Variants in ARHGEF9 observed in about 807,000 individuals in gnomAD.
The protein encoded by ARHGEF9 is rho guanine nucleotide exchange factor 9.
A neutral mutation model predicts 41.3 loss-of-function variants in ARHGEF9; 2 were observed. The ratio of observed to expected loss-of-function variants is 0.05; its 90% CI spans 0.02 to 0.15. ARHGEF9 has a LOEUF of 0.15. ARHGEF9 is among the 10% of genes least tolerant of loss of function. ARHGEF9 has a pLI of 1.00. For synonymous variants in ARHGEF9, 160 were observed against 154.4 expected, an observed-to-expected ratio of 1.04 and a Z score of -0.27; for missense variants, 225 against 424.7, an observed-to-expected ratio of 0.53 and a Z score of 4.13.
chrX:63,777,587 C>T (rs2056313403), intron 1 of ARHGEF9, among the ~76,000 whole-genome samples: 1 of 112,102 alleles, frequency 8.9e-6, no homozygotes, highest in Non-Finnish European at 1.9e-5. Flanking sequence ...TCCCTTCTGC[C>T]TATGAGCCTG....
At chrX:63,714,390 A>C (rs1337582099) in intron 2 of ARHGEF9, among the ~76,000 whole-genome samples, 3 of 112,364 alleles carry the variant, frequency 2.7e-5, no homozygotes, top group Admixed American at 9.4e-5. Flanking sequence ...AGGCAAGCAA[A>C]CCTTTTTATT....
chrX:63,664,739 G>A (rs1436726290), intron 7 of ARHGEF9, among the ~76,000 whole-genome samples: 1 of 112,256 alleles, frequency 8.9e-6, no homozygotes, highest in African/African-American at 3.2e-5. Flanking sequence ...TGGTTCTAGA[G>A]TGGACATTCA....
chrX:63,784,720 C>T, intron 1 of ARHGEF9, among the ~76,000 whole-genome samples: 1 of 110,799 alleles, frequency 9.0e-6, no homozygotes, highest in Middle Eastern at 4.7e-3. Flanking sequence ...GCTTTGTGAC[C>T]GTCCCCTCCC....
At chrX:63,744,281 C>T (rs2055136290) in intron 1 of ARHGEF9, among the ~76,000 whole-genome samples, 1 of 112,461 alleles carries the variant, frequency 8.9e-6, no homozygotes, top group African/African-American at 3.2e-5. Context: ...TCCCAAACAA[C>T]CCTTGAAAGA....
chrX:63,760,890 G>A (rs782451282), intron 1 of ARHGEF9, among the ~76,000 whole-genome samples: 1 of 112,200 alleles, frequency 8.9e-6, no homozygotes, highest in South Asian at 3.7e-4. Context: ...CAAGTTTGAG[G>A]AAGCAGTAGC....
At chrX:63,781,955 T>C (rs1206029471) in intron 1 of ARHGEF9, among the ~76,000 whole-genome samples, 6 of 112,303 alleles carry the variant, frequency 5.3e-5, no homozygotes, top group Admixed American at 9.4e-5. Context: ...AGCTTGTTCC[T>C]GCACTTCCTT....
At chrX:63,686,785 A>G (rs1438541970) in intron 4 of ARHGEF9, among the ~76,000 whole-genome samples, 7 of 111,192 alleles carry the variant, frequency 6.3e-5, no homozygotes, top group Non-Finnish European at 1.1e-4. Context: ...CCAGAACTCA[A>G]TGACTGAAGT....
intron 4 of ARHGEF9, among the ~76,000 whole-genome samples, chrX:63,691,484 A>G (rs1556381417): frequency 9.0e-6 from 1 of 111,635 alleles, no homozygotes; most frequent in Non-Finnish European, 1.9e-5. Context: ...ATTGACAACT[A>G]CACACAAAAA....
chrX:63,720,830 A>C (rs1336895109), intron 2 of ARHGEF9, among the ~76,000 whole-genome samples: 2 of 112,459 alleles, frequency 1.8e-5, no homozygotes, highest in African/African-American at 6.5e-5. Flanking sequence ...TGAATTCCTC[A>C]TTAACATTTT....
intron 1 of ARHGEF9, among the ~76,000 whole-genome samples, chrX:63,766,658 AAAG>A (rs1218654255): frequency 8.9e-6 from 1 of 112,091 alleles, no homozygotes; most frequent in African/African-American, 3.2e-5. Flanking sequence ...TACAATGGTG[AAAG>A]AAGAAAGGGC....
intron 7 of ARHGEF9, among the ~76,000 whole-genome samples, chrX:63,665,282 G>A (rs1459620131): frequency 1.8e-5 from 2 of 112,504 alleles, no homozygotes; most frequent in Non-Finnish European, 3.8e-5. Flanking sequence ...CAGAGTCAGT[G>A]ACAAGAGTAA....
At chrX:63,741,920 G>A (rs1421659642) in intron 1 of ARHGEF9, among the ~76,000 whole-genome samples, 1 of 112,656 alleles carries the variant, frequency 8.9e-6, no homozygotes, top group African/African-American at 3.2e-5. Flanking sequence ...ATGTGTAAGT[G>A]TGCATCACAT....
intron 3 of ARHGEF9, among the ~76,000 whole-genome samples, chrX:63,698,124 T>A (rs1311538728): frequency 1.8e-4 from 19 of 105,947 alleles, no homozygotes; most frequent in Admixed American, 1.6e-3. Context: ...TATATATATA[T>A]AAATTTATAA....
intron 7 of ARHGEF9, among the ~76,000 whole-genome samples, chrX:63,662,493 T>C (rs782135497): frequency 8.9e-6 from 1 of 112,003 alleles, no homozygotes; most frequent in South Asian, 3.8e-4. Flanking sequence ...TATCTCTTTC[T>C]AAATGTTCAC....
chrX:63,674,253 T>C, intron 5 of ARHGEF9, 86 bp from the exon 6 acceptor site: 1 of 1,008,210 alleles, frequency 9.9e-7, no homozygotes, highest in Non-Finnish European at 1.4e-6. Flanking sequence ...TCCACTCTCC[T>C]CTACCTCCTT....
At chrX:63,775,217 C>T (rs1257605417) in intron 1 of ARHGEF9, among the ~76,000 whole-genome samples, 1 of 112,524 alleles carries the variant, frequency 8.9e-6, no homozygotes, top group African/African-American at 3.2e-5. Flanking sequence ...AACACTTATA[C>T]ACTGTTAGTG....
chrX:63,721,195 C>T (rs1434399223), intron 2 of ARHGEF9, among the ~76,000 whole-genome samples: 1 of 111,339 alleles, frequency 9.0e-6, no homozygotes. Context: ...AGAGATAATA[C>T]ATAAATAAAA....
intron 1 of ARHGEF9, among the ~76,000 whole-genome samples, chrX:63,781,048 A>C (rs2056372043): frequency 8.9e-6 from 1 of 112,226 alleles, no homozygotes; most frequent in African/African-American, 3.2e-5. Context: ...GTGTGCTTAA[A>C]ATCTAAAACA....
chrX:63,713,665 A>T (rs1309277411), intron 2 of ARHGEF9, among the ~76,000 whole-genome samples: 2 of 106,414 alleles, frequency 1.9e-5, no homozygotes, highest in Non-Finnish European at 3.8e-5. Context: ...GACTGAGAGG[A>T]ACCTGGTTAG....
Sources: allele counts gnomAD v4.1 joint callset (sites outside exome capture counted in the v4.1 genomes callset), GRCh38; gene constraint gnomAD v4.1.1; transcripts MANE v1.5; gene names NCBI Gene and HGNC (gene_info 2026-07-23, HGNC 2026-07-21).